PIK3C2G: variants seen among roughly 807,000 people sequenced by gnomAD.
PIK3C2G encodes the protein phosphatidylinositol 3-kinase C2 domain-containing subunit gamma.
Under a neutral mutation model 181.1 loss-of-function variants are expected in PIK3C2G, and 168 were observed. That is an observed-to-expected ratio of 0.93 (90% CI 0.82 to 1.05). The LOEUF is 1.05. Among genes scored for constraint, PIK3C2G ranks in the 50% least tolerant of loss-of-function variants. The pLI, the probability that PIK3C2G is intolerant of heterozygous loss-of-function variation, is 0.00. For synonymous variants in PIK3C2G, 573 were observed against 592.2 expected (o/e 0.97, Z 0.47); for missense variants, 1,869 against 1,732.8 (o/e 1.08, Z -1.40).
rs1948692931 is a variant in PIK3C2G at position 18,270,254 on chromosome 12, A to C, written c.-79+8677A>C. On this transcript the variant is annotated intron_variant, in intron 1 of 32. Transcript: ENST00000538779. ...AATACTTATTAACACTATGGAAGGC[A>C]GTTATTAATATCTCTATTTTTATTA... 2.6e-5 allele frequency among the ~76,000 whole-genome samples: 4 copies of C among 152,178 alleles called. No individual in the cohort carries two copies. In the South Asian group the frequency reaches 8.3e-4, roughly 31 times the overall value.
the PIK3C2G span, among the ~76,000 whole-genome samples, chr12:18,674,898 G>A: frequency 6.6e-6 from 1 of 152,092 alleles, no homozygotes; most frequent in African/African-American, 2.4e-5. Context: ...AAGGTAACCT[G>A]GGGAGAGAGA....
At chr12:18,272,548 T>C (rs1363113927) in intron 1 of PIK3C2G, among the ~76,000 whole-genome samples, 2 of 152,210 alleles carry the variant, frequency 1.3e-5, no homozygotes, top group Non-Finnish European at 2.9e-5. Flanking sequence ...AGAGAAACTT[T>C]GCCTCATCTA....
chr12:18,472,857 G>A (rs566145383), intron 18 of PIK3C2G, among the ~76,000 whole-genome samples: 183 of 152,026 alleles, frequency 1.2e-3, no homozygotes, highest in African/African-American at 4.1e-3. Context: ...CCGCCACCAC[G>A]CCCAGCTAAT....
chr12:18,693,561 A>G, the PIK3C2G span: 7 of 1,603,260 alleles, frequency 4.4e-6, no homozygotes, highest in South Asian at 7.7e-5. Flanking sequence ...TACCTAGGTG[A>G]TGGGCCCAAA....
At chr12:18,565,095 C>T (rs1433532103) in intron 28 of PIK3C2G, among the ~76,000 whole-genome samples, 1 of 152,134 alleles carries the variant, frequency 6.6e-6, no homozygotes, top group Non-Finnish European at 1.5e-5. Flanking sequence ...GTTCCCTGAA[C>T]ACTGTTTGCA....
At chr12:18,335,136 A>G (rs1255938964) in intron 8 of PIK3C2G, among the ~76,000 whole-genome samples, 4 of 152,090 alleles carry the variant, frequency 2.6e-5, no homozygotes, top group Non-Finnish European at 5.9e-5. Context: ...CAGTAGGCAT[A>G]GTTTTTCTTC....
chr12:18,348,996 G>A (rs1271960477), intron 11 of PIK3C2G, among the ~76,000 whole-genome samples: 1 of 152,132 alleles, frequency 6.6e-6, no homozygotes, highest in Non-Finnish European at 1.5e-5. Context: ...GTATAGGTGT[G>A]GGAGCCTCAA....
the PIK3C2G span, among the ~76,000 whole-genome samples, chr12:18,703,550 C>A: frequency 6.6e-6 from 1 of 152,132 alleles, no homozygotes; most frequent in Non-Finnish European, 1.5e-5. Flanking sequence ...CAAACCCTGA[C>A]TAAATGACCT....
chr12:18,723,327 G>C, the PIK3C2G span: 3 of 1,611,044 alleles, frequency 1.9e-6, no homozygotes, highest in Admixed American at 1.7e-5. Flanking sequence ...CGATAGGCTC[G>C]TATTTCTGAA....
At chr12:18,351,730 T>C (rs80053486) in intron 11 of PIK3C2G, among the ~76,000 whole-genome samples, 1 of 152,232 alleles carries the variant, frequency 6.6e-6, no homozygotes, top group Non-Finnish European at 1.5e-5. Flanking sequence ...TCATCCTGTA[T>C]ACTGTAAATC....
At chr12:18,438,554 C>A (rs945021518) in intron 18 of PIK3C2G, among the ~76,000 whole-genome samples, 9 of 151,842 alleles carry the variant, frequency 5.9e-5, no homozygotes, top group African/African-American at 2.2e-4. Context: ...GACAACAATT[C>A]TTTAGTCTCC....
At chr12:18,528,174 T>C (rs1943349374) in intron 24 of PIK3C2G, among the ~76,000 whole-genome samples, 1 of 152,192 alleles carries the variant, frequency 6.6e-6, no homozygotes, top group Admixed American at 6.5e-5. Context: ...ATTTGCCTTC[T>C]CAATTAACTC....
rs546790715 is a variant in PIK3C2G, at chr12:18,298,244, CATT to C, written c.1034+4230_1034+4232del. Among the ~76,000 whole-genome samples, 253 of 151,934 alleles carry C rather than the reference CATT, an allele frequency of 1.7e-3. 1 individual carries two copies. Among genetic ancestry groups the C allele is most frequent in the African/African-American group, 5.8e-3 (239 of 41,518 alleles). On this transcript the variant is annotated intron_variant, in intron 5 of 32. Coordinates refer to ENST00000538779, the MANE Select transcript of PIK3C2G (RefSeq NM_001288772.2). ...TTCTAACAAGGGTAAAACAATATCT[CATT>C]GTTGTTTTGATTTGCATTGCTCTGA...
At chr12:18,419,506 G>A (rs1439148451) in intron 16 of PIK3C2G, among the ~76,000 whole-genome samples, 1 of 152,154 alleles carries the variant, frequency 6.6e-6, no homozygotes, top group African/African-American at 2.4e-5. Flanking sequence ...AAGTCTTAAT[G>A]TACTAAAACA....
At chr12:18,292,939 T>G (rs1215367037) in intron 4 of PIK3C2G, among the ~76,000 whole-genome samples, 1 of 152,166 alleles carries the variant, frequency 6.6e-6, no homozygotes, top group Non-Finnish European at 1.5e-5. Flanking sequence ...GTGTGACACT[T>G]AACACTAACT....
intron 24 of PIK3C2G, among the ~76,000 whole-genome samples, chr12:18,511,834 G>T (rs973348987): frequency 4.0e-5 from 6 of 151,824 alleles, no homozygotes; most frequent in Non-Finnish European, 7.4e-5. Context: ...CCTTCCATTT[G>T]TCTATTTTTG....
chr12:18,620,599 TC>T (rs1948817901), intron 31 of PIK3C2G, among the ~76,000 whole-genome samples: 1 of 151,966 alleles, frequency 6.6e-6, no homozygotes, highest in Non-Finnish European at 1.5e-5. Context: ...CAGCTAGTAA[TC>T]CCTGGCATAC....
intron 20 of PIK3C2G, among the ~76,000 whole-genome samples, chr12:18,492,671 T>C (rs1242311347): frequency 6.6e-6 from 1 of 152,240 alleles, no homozygotes; most frequent in African/African-American, 2.4e-5. Flanking sequence ...CAGGGATCAC[T>C]GAGTCCATGT....
chr12:18,696,711 G>T, the PIK3C2G span, among the ~76,000 whole-genome samples: 1 of 151,888 alleles, frequency 6.6e-6, no homozygotes, highest in Admixed American at 6.6e-5. Context: ...AAAGCTATAC[G>T]ATTCCAGCTA....
Sources: allele counts gnomAD v4.1 joint callset (sites outside exome capture counted in the v4.1 genomes callset), GRCh38; gene constraint gnomAD v4.1.1; transcripts MANE v1.5; gene names NCBI Gene and HGNC (gene_info 2026-07-23, HGNC 2026-07-21).